Variants in DAB1 observed in about 807,000 individuals in gnomAD.
DAB1 encodes DAB adaptor protein 1, also known as disabled homolog 1.
In DAB1, 15 loss-of-function variants were observed where a neutral mutation model predicts 64.6. The ratio of observed to expected loss-of-function variants is 0.23; its 90% CI spans 0.16 to 0.36. The LOEUF (loss-of-function observed/expected upper bound fraction) is 0.36, where lower values mean the gene tolerates loss of function less well. Among genes scored for constraint, DAB1 ranks in the 10% least tolerant of loss-of-function variants. The pLI is 1.00. For missense variants in DAB1, 596 were observed against 706.7 expected (o/e 0.84, Z 1.78); for synonymous variants, 235 against 251.9 (o/e 0.93, Z 0.64).
chr1:58,411,701 G>C (rs927861675), intron 3 of DAB1, among the ~76,000 whole-genome samples: 1 of 152,206 alleles, frequency 6.6e-6, no homozygotes, highest in Non-Finnish European at 1.5e-5. Flanking sequence ...CTGGAGTAGA[G>C]AGGGAAAGGA....
intron 5 of DAB1, among the ~76,000 whole-genome samples, chr1:58,041,165 T>C (rs1647129652): frequency 6.6e-6 from 1 of 152,206 alleles, no homozygotes; most frequent in Non-Finnish European, 1.5e-5. Flanking sequence ...GCCTTTAAAG[T>C]CTTCCTATTG....
chr1:57,900,523 G>T (rs1644458231), intron 5 of DAB1, among the ~76,000 whole-genome samples: 1 of 152,202 alleles, frequency 6.6e-6, no homozygotes, highest in Admixed American at 6.5e-5. Context: ...ACTAGCTCAA[G>T]GCTAGGCTAC....
chr1:57,521,040 C>A (rs759617610), intron 7 of DAB1, among the ~76,000 whole-genome samples: 1 of 152,120 alleles, frequency 6.6e-6, no homozygotes, highest in African/African-American at 2.4e-5. Flanking sequence ...ACTATAGGGA[C>A]ACCCAGAGAC....
intron 4 of DAB1, among the ~76,000 whole-genome samples, chr1:58,338,349 C>G (rs1663171352): frequency 6.6e-6 from 1 of 152,164 alleles, no homozygotes. Context: ...TCTTCTCTGA[C>G]CCTGCTGGAG....
chr1:58,481,573 T>C (rs1161977708), intron 3 of DAB1, among the ~76,000 whole-genome samples: 2 of 152,156 alleles, frequency 1.3e-5, no homozygotes, highest in Non-Finnish European at 2.9e-5. Context: ...TGACTGAATA[T>C]ACTGAAAAAA....
chr1:57,145,684 C>T (rs1166535011), intron 2 of DAB1, among the ~76,000 whole-genome samples: 1 of 152,142 alleles, frequency 6.6e-6, no homozygotes, highest in Non-Finnish European at 1.5e-5. Context: ...AAATAACCAC[C>T]CCAACAGGGT....
At chr1:57,033,965 A>T (rs929021191) in intron 9 of DAB1, among the ~76,000 whole-genome samples, 7 of 152,078 alleles carry the variant, frequency 4.6e-5, no homozygotes, top group South Asian at 2.1e-4. Context: ...GTTTTTATAC[A>T]TGTTGTCTTC....
intron 3 of DAB1, among the ~76,000 whole-genome samples, chr1:58,499,155 C>T (rs1421695789): frequency 6.6e-6 from 1 of 151,732 alleles, no homozygotes; most frequent in African/African-American, 2.4e-5. Context: ...ACTATACAGT[C>T]TCACTTATAT....
intron 4 of DAB1, among the ~76,000 whole-genome samples, chr1:58,301,235 G>T (rs1361746373): frequency 1.3e-4 from 7 of 55,148 alleles, no homozygotes; most frequent in Non-Finnish European, 2.1e-4. Context: ...GGGGTGGAGA[G>T]GGGGGGGTCA....
At chr1:58,263,560 G>C (rs1227736716) in intron 4 of DAB1, among the ~76,000 whole-genome samples, 1 of 152,188 alleles carries the variant, frequency 6.6e-6, no homozygotes, top group Admixed American at 6.5e-5. Flanking sequence ...CATGTTGCTT[G>C]CTACCTCATA....
At chr1:57,304,360 G>A (rs1425621291) in intron 1 of DAB1, among the ~76,000 whole-genome samples, 2 of 146,392 alleles carry the variant, frequency 1.4e-5, no homozygotes, top group African/African-American at 5.1e-5. Context: ...CTCCCACCAG[G>A]CCCCACCTCC....
intron 1 of DAB1, among the ~76,000 whole-genome samples, chr1:57,398,309 G>A (rs1682975114): frequency 6.6e-6 from 1 of 152,164 alleles, no homozygotes; most frequent in South Asian, 2.1e-4. Flanking sequence ...CTCGAGCACA[G>A]AGGGAGAGCC....
chr1:57,558,607 T>C (rs1200431333), intron 7 of DAB1, among the ~76,000 whole-genome samples: 4 of 152,286 alleles, frequency 2.6e-5, no homozygotes, highest in African/African-American at 9.6e-5. Context: ...TGTGGGATAA[T>C]GGTGGAAGGA....
At chr1:57,586,808 T>TAAAAAAAAA (rs34961960) in intron 7 of DAB1, among the ~76,000 whole-genome samples, 1 of 141,206 alleles carries the variant, frequency 7.1e-6, no homozygotes. Flanking sequence ...ATACTTTACT[T>TAAAAAAAAA]AAAAAAAAAA....
chr1:58,159,904 T>A (rs1224391704), intron 4 of DAB1, among the ~76,000 whole-genome samples: 3 of 152,188 alleles, frequency 2.0e-5, no homozygotes, highest in Admixed American at 6.5e-5. Context: ...CAAGTCTCCA[T>A]GCTCCACTAT....
chr1:58,396,939 C>A (rs1353947047), intron 3 of DAB1, among the ~76,000 whole-genome samples: 3 of 152,060 alleles, frequency 2.0e-5, no homozygotes, highest in African/African-American at 7.2e-5. Flanking sequence ...GTGGTGGGCT[C>A]CTGTAGTCCC....
At chr1:57,006,725 GTTCT>G (rs1646084280) in intron 14 of DAB1, among the ~76,000 whole-genome samples, 1 of 152,128 alleles carries the variant, frequency 6.6e-6, no homozygotes, top group African/African-American at 2.4e-5. Context: ...TTGTTTTGTG[GTTCT>G]TTATTTTAAG....
At chr1:58,101,194 G>A (rs1651297053) in intron 5 of DAB1, among the ~76,000 whole-genome samples, 1 of 152,172 alleles carries the variant, frequency 6.6e-6, no homozygotes, top group South Asian at 2.1e-4. Flanking sequence ...GTGGGCACCT[G>A]TAGTCCCAGC....
At chr1:57,711,945 T>G (rs1570759788) in intron 6 of DAB1, among the ~76,000 whole-genome samples, 1 of 152,342 alleles carries the variant, frequency 6.6e-6, no homozygotes, top group Admixed American at 6.5e-5. Context: ...AATCTTTATA[T>G]TTAAGTTTTA....
Sources: gnomAD v4.1 joint callset for allele counts (sites outside exome capture counted in the v4.1 genomes callset) on GRCh38, gnomAD v4.1.1 for gene constraint, MANE v1.5 for transcripts, NCBI Gene and HGNC (gene_info 2026-07-23, HGNC 2026-07-21) for gene names.